The following PDGFRA variants were observed in gnomAD, a reference collection of about 807,000 sequenced individuals.
PDGFRA encodes platelet-derived growth factor receptor alpha.
A neutral mutation model predicts 121.5 loss-of-function variants in PDGFRA; 25 were observed. That is an observed-to-expected ratio of 0.21 (90% confidence interval 0.15 to 0.29). The LOEUF (loss-of-function observed/expected upper bound fraction) is 0.29. PDGFRA is among the 10% of genes least tolerant of loss of function. The pLI is 1.00. For synonymous variants in PDGFRA, 463 were observed against 494.8 expected, an observed-to-expected ratio of 0.94 and a Z score of 0.85; for missense variants, 1,008 against 1,345.1, an observed-to-expected ratio of 0.75 and a Z score of 3.92.
At chr4:54,289,752 G>C (rs1222474056) in intron 21 of PDGFRA, among the ~76,000 whole-genome samples, 1 of 152,174 alleles carries the variant, frequency 6.6e-6, no homozygotes, top group Non-Finnish European at 1.5e-5. Context: ...GAAGTTAAAT[G>C]CTTCTGTCTG....
chr4:54,261,539 AAC>A, intron 3 of PDGFRA, 127 bp downstream of exon 3: 1 of 599,946 alleles, frequency 1.7e-6, no homozygotes, highest in African/African-American at 1.9e-5. Flanking sequence ...AATGTAAGCG[AAC>A]ACACACAAAA....
intron 3 of PDGFRA, 110 bp downstream of exon 3, chr4:54,261,522 T>A (rs1722715743): frequency 1.5e-6 from 1 of 674,118 alleles, no homozygotes; most frequent in East Asian, 2.8e-5. Context: ...TTGCGGGAAG[T>A]TTGAAAAATG....
chr4:54,261,931 A>AT lies in PDGFRA; in HGVS notation c.367+533dup, dbSNP rs34880395. 2.2e-4 allele frequency among the ~76,000 whole-genome samples: 13 copies of AT among 58,416 alleles called. 1 individual carries two copies. The highest frequency in any genetic ancestry group is 1.1e-3 in the Admixed American group (5 of 4,430). 38.3% of individuals were successfully genotyped at this position (58,416 alleles called of 152,430 possible). Reference sequence around the variant, plus strand: ...TATATATATATATATATATATATATATTTTTTTTTTTTTTGGTAACAGGGT... The same window carrying AT: ...TATATATATATATATATATATATATATTTTTTTTTTTTTTTGGTAACAGGGT... On this transcript the variant is annotated intron_variant, in intron 3 of 22. Transcript: ENST00000257290.
intron 7 of PDGFRA, among the ~76,000 whole-genome samples, chr4:54,269,901 C>T (rs1165960412): frequency 2.0e-5 from 3 of 151,868 alleles, no homozygotes; most frequent in African/African-American, 2.4e-5. Context: ...ATTCACCTAC[C>T]TTGGCCTCCC....
rs1720947121 is a variant in PDGFRA at position 54,235,251 on chromosome 4, T to C, written c.-13+5836T>C. 3.3e-5 allele frequency among the ~76,000 whole-genome samples: 5 copies of C among 152,210 alleles called. No individual in the cohort carries two copies. The South Asian group carries it at 1.0e-3, about 31-fold the overall frequency. On this transcript the variant is annotated intron_variant, in intron 1 of 22. Transcript: ENST00000257290. The stretch of plus-strand genomic sequence containing the variant: ...CTTTTGGGGCTGTGAGAGAGTCTCC[T>C]GTGGTCTTTAATCATGTGAGGGTGG...
rs1262496861 is a variant in PDGFRA at position 54,281,958 on chromosome 4, T to TA, written c.2323+1479dup. The TA allele has an allele frequency of 1.2e-5, 13 of 1,092,312 alleles. No individual in the cohort carries two copies. In the South Asian group the frequency reaches 3.6e-4, roughly 30 times the overall value. 67.7% of individuals were successfully genotyped at this position (1,092,312 alleles called of 1,614,324 possible). ...TACAAAGGTGGCTTTAAAAAGAAAA[T>TA]AAAGCAATTCACAGAAACTACTTTT... is the stretch of plus-strand genomic sequence containing the variant. On this transcript the variant is annotated intron_variant, in intron 16 of 22. Coordinates refer to ENST00000257290, the MANE Select transcript of PDGFRA (RefSeq NM_006206.6).
chr4:54,287,689 G>T, intron 19 of PDGFRA, 148 bp downstream of exon 19: 1 of 704,634 alleles, frequency 1.4e-6, no homozygotes, highest in Non-Finnish European at 2.6e-6. Flanking sequence ...CACATGTTGT[G>T]CCTTATTGTG....
intron 22 of PDGFRA, among the ~76,000 whole-genome samples, chr4:54,292,306 G>T (rs1295773493): frequency 1.3e-5 from 2 of 152,122 alleles, no homozygotes; most frequent in Non-Finnish European, 2.9e-5. Context: ...AAGAAAATGT[G>T]ATACATATAC....
chr4:54,297,083 G>T lies in PDGFRA; in HGVS notation c.*1811G>T. ...CAAGTCTCTGTGTAACCAGCTCAGT[G>T]TTTTGGTGGAAAAAACATTTTAAGT... On this transcript the variant is annotated 3_prime_UTR_variant, in exon 23 of 23. Transcript: ENST00000257290. The T allele has an allele frequency of 4.3e-6, 1 of 233,210 alleles. No homozygotes were observed. 14.4% of individuals were successfully genotyped at this position (233,210 alleles called of 1,614,324 possible).
intron 1 of PDGFRA, among the ~76,000 whole-genome samples, chr4:54,256,402 A>AT (rs1722374211): frequency 6.6e-6 from 1 of 151,460 alleles, no homozygotes; most frequent in South Asian, 2.1e-4. Context: ...CGCCTGGCTA[A>AT]TTTTTTTGTG....
At chr4:54,238,599 C>T (rs1005641566) in intron 1 of PDGFRA, among the ~76,000 whole-genome samples, 1 of 152,108 alleles carries the variant, frequency 6.6e-6, no homozygotes, top group African/African-American at 2.4e-5. Flanking sequence ...GGAGGTTACA[C>T]ATTTGTAGTC....
chr4:54,257,258 C>T (rs991944502), intron 1 of PDGFRA, among the ~76,000 whole-genome samples: 6 of 152,184 alleles, frequency 3.9e-5, no homozygotes, highest in Non-Finnish European at 8.8e-5. Context: ...AAGGAACCTT[C>T]AGTTCTGGGA....
chr4:54,252,059 T>C (rs1722077006), intron 1 of PDGFRA, among the ~76,000 whole-genome samples: 1 of 152,222 alleles, frequency 6.6e-6, no homozygotes, highest in Non-Finnish European at 1.5e-5. Context: ...TCTCGTCTGT[T>C]GTTTTTGAGT....
At chr4:54,294,299 A>G (rs188922238) in intron 22 of PDGFRA, among the ~76,000 whole-genome samples, 376 of 151,930 alleles carry the variant, frequency 2.5e-3, no homozygotes, top group Non-Finnish European at 3.2e-3. Flanking sequence ...TCCTTTCTCA[A>G]TTTGGTTACT....
At chr4:54,270,826 C>T (rs538010325) in intron 8 of PDGFRA, 78 bp downstream of exon 8, 33 of 827,966 alleles carry the variant, frequency 4.0e-5, no homozygotes, top group Non-Finnish European at 6.3e-5. Flanking sequence ...CTTTTCTCCC[C>T]GGTCATGGAA....
At chr4:54,261,467 A>G (rs966446810) in intron 3 of PDGFRA, 55 bp downstream of exon 3, 2 of 1,201,090 alleles carry the variant, frequency 1.7e-6, no homozygotes, top group African/African-American at 3.0e-5. Context: ...CTCTCCTGTT[A>G]AATGTACTAA....
At chr4:54,278,601 C>A (rs2110318095) in intron 15 of PDGFRA, 86 bp downstream of exon 15, 2 of 1,360,070 alleles carry the variant, frequency 1.5e-6, no homozygotes, top group South Asian at 1.2e-5. Flanking sequence ...GATATCATGT[C>A]TGCAGATTCA....
rs993682652 is a variant in PDGFRA, at chr4:54,295,862, C to T, written c.*590C>T. On this transcript the variant is annotated 3_prime_UTR_variant, in exon 23 of 23. Coordinates refer to ENST00000257290, the MANE Select transcript of PDGFRA (RefSeq NM_006206.6). ...GAGATAAAGAATAATAATTAACCAACCTTGTTTAATAGATTTGGGTCATTT... is the reference window on the plus strand; with the variant it reads ...GAGATAAAGAATAATAATTAACCAATCTTGTTTAATAGATTTGGGTCATTT... 1.7e-5 allele frequency: 4 copies of T among 234,486 alleles called. No homozygotes were observed. The highest frequency in any genetic ancestry group is 8.8e-5 in the African/African-American group (4 of 45,306). The allele number at this position is 234,486 out of a possible 1,614,324, so 14.5% of individuals were successfully genotyped here. A position where few individuals can be genotyped will look rare whatever the true frequency, so the allele number is the denominator to read the frequency against.
At chr4:54,276,152 A>G (rs769846121) in intron 12 of PDGFRA, among the ~76,000 whole-genome samples, 1 of 152,122 alleles carries the variant, frequency 6.6e-6, no homozygotes, top group East Asian at 1.9e-4. Flanking sequence ...GAACTGACTC[A>G]GTGCAAGAGG....
Sources: gnomAD v4.1 joint callset for allele counts (sites outside exome capture counted in the v4.1 genomes callset) on GRCh38, gnomAD v4.1.1 for gene constraint, MANE v1.5 for transcripts, NCBI Gene and HGNC (gene_info 2026-07-23, HGNC 2026-07-21) for gene names.